The following AMN1 variants were observed in gnomAD, a reference collection of about 807,000 sequenced individuals.
The protein encoded by AMN1 is protein AMN1 homolog.
A neutral mutation model predicts 33.0 loss-of-function variants in AMN1; 20 were observed. The ratio of observed to expected loss-of-function variants is 0.61; its 90% CI spans 0.43 to 0.88. The LOEUF (loss-of-function observed/expected upper bound fraction) is 0.88. Ranked by LOEUF, AMN1 falls within the 40% of genes least tolerant of loss-of-function variation. The pLI is 0.00. For synonymous variants in AMN1, 114 were observed against 111.9 expected, an observed-to-expected ratio of 1.02 and a Z score of -0.12; for missense variants, 246 against 307.4, an observed-to-expected ratio of 0.80 and a Z score of 1.49.
chr12:31,681,236 TA>T (rs953538377), intron 6 of AMN1, among the ~76,000 whole-genome samples: 2 of 152,196 alleles, frequency 1.3e-5, no homozygotes, highest in South Asian at 2.1e-4. Flanking sequence ...TATTTTTATT[TA>T]TTTTTTTTGA....
chr12:31,702,982 C>A (rs569509933), intron 2 of AMN1, among the ~76,000 whole-genome samples: 29 of 152,328 alleles, frequency 1.9e-4, no homozygotes, highest in African/African-American at 6.7e-4. Flanking sequence ...GGTGATCTGC[C>A]CGCCTTGGCC....
chr12:31,681,719 T>A (rs1181758375), intron 6 of AMN1, among the ~76,000 whole-genome samples: 1 of 152,194 alleles, frequency 6.6e-6, no homozygotes, highest in South Asian at 2.1e-4. Context: ...ATTATTTTAT[T>A]AGACAGCAAG....
chr12:31,685,511 G>A (rs939771214), intron 6 of AMN1, among the ~76,000 whole-genome samples: 3 of 151,896 alleles, frequency 2.0e-5, no homozygotes, highest in East Asian at 3.9e-4. Context: ...ACTATAGAAC[G>A]CTCAAACAGC....
At chr12:31,728,563 C>A (rs572589568) in intron 1 of AMN1, among the ~76,000 whole-genome samples, 1 of 152,310 alleles carries the variant, frequency 6.6e-6, no homozygotes, top group East Asian at 1.9e-4. Context: ...TACCTTTATC[C>A]CAGGGTCTGT....
chr12:31,710,584 AC>A (rs1369644672), intron 1 of AMN1, among the ~76,000 whole-genome samples: 2 of 150,138 alleles, frequency 1.3e-5, no homozygotes, highest in Admixed American at 6.6e-5. Flanking sequence ...ACACACACAC[AC>A]ATTTAAAGGC....
At chr12:31,699,827 T>C (rs1204985000) in intron 3 of AMN1, among the ~76,000 whole-genome samples, 1 of 152,134 alleles carries the variant, frequency 6.6e-6, no homozygotes, top group Admixed American at 6.6e-5. Context: ...TTGTGGGATC[T>C]GAGGCTAACT....
chr12:31,726,871 G>A (rs1411596414), intron 1 of AMN1, among the ~76,000 whole-genome samples: 1 of 152,132 alleles, frequency 6.6e-6, no homozygotes, highest in Non-Finnish European at 1.5e-5. Flanking sequence ...AAGTTCTGAA[G>A]AATTTTTCTT....
intron 1 of AMN1, 98 bp downstream of exon 1, chr12:31,728,873 G>C (rs530055097): frequency 1.0e-5 from 14 of 1,360,038 alleles, no homozygotes; most frequent in South Asian, 2.8e-5. Flanking sequence ...TCGGCGGGGG[G>C]GGTGGGAAAG....
chr12:31,701,805 C>A, intron 3 of AMN1, 58 bp downstream of exon 3: 1 of 1,452,322 alleles, frequency 6.9e-7, no homozygotes, highest in Non-Finnish European at 9.2e-7. Context: ...CCTTACTCCA[C>A]AATTTTACCA....
At chr12:31,708,325 T>C (rs1939330893) in intron 2 of AMN1, among the ~76,000 whole-genome samples, 1 of 152,124 alleles carries the variant, frequency 6.6e-6, no homozygotes, top group South Asian at 2.1e-4. Context: ...TATGGGAGTG[T>C]CTGTCCTATG....
intron 1 of AMN1, chr12:31,719,074 A>C (rs938273992): frequency 2.0e-5 from 3 of 152,298 alleles, no homozygotes; most frequent in Admixed American, 2.0e-4. Context: ...AGGAGTGTAC[A>C]GTCACTCAGA....
At chr12:31,694,656 G>C (rs1172941088) in intron 5 of AMN1, among the ~76,000 whole-genome samples, 1 of 152,078 alleles carries the variant, frequency 6.6e-6, no homozygotes, top group African/African-American at 2.4e-5. Flanking sequence ...TGAGGTGGGA[G>C]GATTGCTTGA....
chr12:31,691,903 G>A (rs1938515974), intron 5 of AMN1, among the ~76,000 whole-genome samples: 2 of 152,128 alleles, frequency 1.3e-5, no homozygotes, highest in South Asian at 4.2e-4. Flanking sequence ...TTGAGACAGA[G>A]TTTCATTCTT....
chr12:31,708,995 T>C (rs757151824), intron 2 of AMN1: 64 of 426,526 alleles, frequency 1.5e-4, no homozygotes, highest in Non-Finnish European at 2.6e-4. Context: ...CTGGGCAACA[T>C]GGTGAAACCC....
At chr12:31,701,734 A>C in intron 3 of AMN1, 129 bp downstream of exon 3, 1 of 796,356 alleles carries the variant, frequency 1.3e-6, no homozygotes, top group Non-Finnish European at 1.8e-6. Context: ...GAATGTTTTT[A>C]CTGATAAATA....
intron 1 of AMN1, among the ~76,000 whole-genome samples, chr12:31,723,561 C>A (rs888023653): frequency 6.6e-6 from 1 of 152,168 alleles, no homozygotes; most frequent in Non-Finnish European, 1.5e-5. Flanking sequence ...CCACCCGCCT[C>A]GGCCTCCCAA....
intron 1 of AMN1, among the ~76,000 whole-genome samples, chr12:31,727,833 G>A (rs1940140130): frequency 6.6e-6 from 1 of 152,114 alleles, no homozygotes; most frequent in South Asian, 2.1e-4. Context: ...CCTGGGTTGA[G>A]GCGATTCTCC....
intron 1 of AMN1, among the ~76,000 whole-genome samples, chr12:31,723,523 G>C (rs1336712368): frequency 6.6e-6 from 1 of 152,126 alleles, no homozygotes; most frequent in Non-Finnish European, 1.5e-5. Flanking sequence ...TGTTAGCCAG[G>C]ATGGTCTCGA....
intron 3 of AMN1, among the ~76,000 whole-genome samples, chr12:31,699,581 C>T (rs954358324): frequency 6.6e-6 from 1 of 152,068 alleles, no homozygotes. Context: ...CCAGACCTCA[C>T]CCTATGTACT....
Sources: gnomAD v4.1 joint callset for allele counts (sites outside exome capture counted in the v4.1 genomes callset) on GRCh38, gnomAD v4.1.1 for gene constraint, MANE v1.5 for transcripts, NCBI Gene and HGNC (gene_info 2026-07-23, HGNC 2026-07-21) for gene names.